KPNA3: variants seen among roughly 807,000 people sequenced by gnomAD.
KPNA3 encodes the protein karyopherin subunit alpha 3.
A neutral mutation model predicts 73.8 loss-of-function variants in KPNA3; 13 were observed. The observed-to-expected ratio is 0.18, with a 90% CI of 0.11 to 0.28. The LOEUF (loss-of-function observed/expected upper bound fraction) is 0.28. KPNA3 is among the 10% of genes least tolerant of loss of function. The pLI, the probability that KPNA3 is intolerant of heterozygous loss-of-function variation, is 1.00. For missense variants in KPNA3, 360 were observed against 618.1 expected (o/e 0.58, Z 4.43); for synonymous variants, 186 against 206.9 (o/e 0.90, Z 0.87).
intron 12 of KPNA3, 91 bp from the exon 13 acceptor site, chr13:49,706,463 C>A: frequency 3.5e-6 from 3 of 847,104 alleles, no homozygotes; most frequent in South Asian, 3.6e-5. Context: ...ATAACAAAAT[C>A]ACCTGAATTA....
intron 1 of KPNA3, among the ~76,000 whole-genome samples, chr13:49,780,446 C>T (rs1379065098): frequency 6.6e-6 from 1 of 152,130 alleles, no homozygotes; most frequent in South Asian, 2.1e-4. Flanking sequence ...TCAGTGCCAA[C>T]ACTATAGTCA....
intron 10 of KPNA3, among the ~76,000 whole-genome samples, chr13:49,715,388 C>T (rs1594432652): frequency 6.6e-6 from 1 of 152,170 alleles, no homozygotes; most frequent in East Asian, 1.9e-4. Context: ...ATTAAAATGG[C>T]CCTTAAACAA....
chr13:49,732,978 A>T lies in KPNA3; in HGVS notation c.183T>A (p.Asp61Glu). 1 of 1,608,032 alleles carries T rather than the reference A, an allele frequency of 6.2e-7. No homozygotes were observed. Residue 61 changes from aspartate (D) to glutamate (E), a missense_variant, in exon 3 of 17, where the codon GAT becomes GAA. Around this residue, in one of 3 missense-constraint regions of KPNA3, gnomAD observed 287 missense variants for 549.1 expected, o/e 0.52. Transcript: ENST00000261667. The part of the protein sequence containing the change: ...VPQEESLEDS[D>E]VDADFKAQNV... Reference sequence around the variant, plus strand: ...TTACTGCTTTAAAATCAGCATCAACATCTGAATCTTCTAGACTTTCTTCTT... The same window carrying T: ...TTACTGCTTTAAAATCAGCATCAACTTCTGAATCTTCTAGACTTTCTTCTT...
rs1336632791 is a variant in KPNA3 at position 49,765,606 on chromosome 13, G to C, written c.70-18613C>G. Among the ~76,000 whole-genome samples, 5 of 152,176 alleles carry C rather than the reference G, an allele frequency of 3.3e-5. No homozygotes were observed. In the East Asian group the frequency reaches 5.8e-4, roughly 18 times the overall value. ...CCCATCTATGCCTCCCAAAGTGCTG[G>C]GTTACAGGCATGAGCCACCGCGCCT... On this transcript the variant is annotated intron_variant, in intron 1 of 16. Coordinates refer to ENST00000261667, the MANE Select transcript of KPNA3 (RefSeq NM_002267.4).
intron 1 of KPNA3, among the ~76,000 whole-genome samples, chr13:49,768,380 T>A (rs534556198): frequency 7.3e-4 from 111 of 152,098 alleles, no homozygotes; most frequent in Non-Finnish European, 1.4e-3. Flanking sequence ...AGTATGCAGT[T>A]GGGTCTTGCT....
At chr13:49,730,764 C>A in intron 6 of KPNA3, among the ~76,000 whole-genome samples, 1 of 84,328 alleles carries the variant, frequency 1.2e-5, no homozygotes, top group African/African-American at 5.2e-5. Flanking sequence ...TGCTATCCCT[C>A]CCCCCTCCCC....
At chr13:49,772,730 G>C (rs1040883346) in intron 1 of KPNA3, among the ~76,000 whole-genome samples, 1 of 152,184 alleles carries the variant, frequency 6.6e-6, no homozygotes, top group African/African-American at 2.4e-5. Context: ...TTGAACCCAA[G>C]AGGCAGAGGC....
intron 15 of KPNA3, among the ~76,000 whole-genome samples, chr13:49,704,435 AAAT>A (rs1348504619): frequency 0.016 from 17 of 1,048 alleles, 1 homozygote; most frequent in East Asian, 0.042. Flanking sequence ...AATAAATAAA[AAAT>A]AAATAAATAA....
intron 11 of KPNA3, among the ~76,000 whole-genome samples, chr13:49,710,080 T>C (rs989611164): frequency 2.0e-5 from 3 of 152,114 alleles, no homozygotes. Context: ...CTGGGCAACA[T>C]AGTGAAACTC....
Position 49,753,626 on chromosome 13 carries a change from C to T in KPNA3, c.70-6633G>A, listed in dbSNP as rs147167309. Among the ~76,000 whole-genome samples the T allele has an allele frequency of 2.2e-3, 333 of 152,334 alleles. 2 individuals are homozygous for T. Among genetic ancestry groups the T allele is most frequent in the African/African-American group, 7.2e-3 (299 of 41,582 alleles). ...CGTGAACTGGTGCCAGTCCATATAG[C>T]CTGTTAGGAGCCAGGCTGCACAGCA... On this transcript the variant is annotated intron_variant, in intron 1 of 16. Transcript: ENST00000261667.
At chr13:49,739,765 T>A (rs896964697) in intron 2 of KPNA3, among the ~76,000 whole-genome samples, 10 of 152,030 alleles carry the variant, frequency 6.6e-5, no homozygotes, top group African/African-American at 2.4e-4. Context: ...CAAAAAAAGG[T>A]GGGGAGGTGA....
At chr13:49,720,475 G>A (rs34423763) in intron 9 of KPNA3, among the ~76,000 whole-genome samples, 32,722 of 152,154 alleles carry the variant, frequency 0.22, 4,475 homozygotes, top group Non-Finnish European at 0.32. Context: ...ATACACAGTT[G>A]GCCAAGTGTG....
intron 8 of KPNA3, 84 bp from the exon 9 acceptor site, chr13:49,722,208 C>T: frequency 1.1e-6 from 1 of 920,360 alleles, no homozygotes; most frequent in Non-Finnish European, 1.6e-6. Flanking sequence ...CATGTGGGAA[C>T]ACTGACGTTC....
In KPNA3 at chr13:49,773,547, T is replaced by C. The variant is rs140032129; in HGVS notation, c.69+18891A>G. ...GCGGCTGATAAATATTCCCTGTAATTAAAAAAAATTGTAAGCAGTCAAAAA... is the reference window on the plus strand; with the variant it reads ...GCGGCTGATAAATATTCCCTGTAATCAAAAAAAATTGTAAGCAGTCAAAAA... On this transcript the variant is annotated intron_variant, in intron 1 of 16. Coordinates refer to ENST00000261667, the MANE Select transcript of KPNA3 (RefSeq NM_002267.4). Among the ~76,000 whole-genome samples, 8 of 152,056 alleles carry C rather than the reference T, an allele frequency of 5.3e-5. No homozygotes were observed. In the East Asian group the frequency reaches 1.4e-3, roughly 26 times the overall value.
At chr13:49,785,039 C>T (rs1004607083) in intron 1 of KPNA3, among the ~76,000 whole-genome samples, 5 of 151,976 alleles carry the variant, frequency 3.3e-5, no homozygotes, top group African/African-American at 1.2e-4. Context: ...ATATTCCAGT[C>T]AGCAAGATGG....
intron 10 of KPNA3, among the ~76,000 whole-genome samples, chr13:49,712,432 A>AG (rs1157271610): frequency 3.9e-5 from 6 of 152,138 alleles, no homozygotes; most frequent in Admixed American, 6.5e-5. Flanking sequence ...ACATGATAGA[A>AG]GGGGGAAAAA....
intron 2 of KPNA3, among the ~76,000 whole-genome samples, chr13:49,734,892 T>G (rs939575817): frequency 4.0e-5 from 6 of 148,686 alleles, no homozygotes; most frequent in South Asian, 2.1e-4. Context: ...TTTTGCAAAT[T>G]TTGACTTTAT....
rs1594441317 is a variant in KPNA3, at chr13:49,732,796, T to A, written c.205-20A>T. ...ATTTTGCTTAAAAAGAAAAAAAAAATAGTTCAGCAGAGTTTATTAACAAAA... is the reference window on the plus strand; with the variant it reads ...ATTTTGCTTAAAAAGAAAAAAAAAAAAGTTCAGCAGAGTTTATTAACAAAA... On this transcript the variant is annotated intron_variant, in intron 3 of 16. Transcript: ENST00000261667. The A allele has an allele frequency of 2.6e-6, 4 of 1,521,866 alleles. No homozygotes were observed. In the Admixed American group the frequency reaches 5.5e-5, roughly 21 times the overall value. 94.3% of individuals were successfully genotyped at this position (1,521,866 alleles called of 1,614,324 possible).
At chr13:49,739,505 G>C (rs952346348) in intron 2 of KPNA3, among the ~76,000 whole-genome samples, 1 of 152,104 alleles carries the variant, frequency 6.6e-6, no homozygotes, top group Non-Finnish European at 1.5e-5. Context: ...ATGCATAAAA[G>C]CCTCTCTAAA....
Sources: allele counts gnomAD v4.1 joint callset (sites outside exome capture counted in the v4.1 genomes callset), GRCh38; gene constraint gnomAD v4.1.1; regional missense constraint gnomAD v4.1.1; transcripts MANE v1.5; gene names NCBI Gene and HGNC (gene_info 2026-07-23, HGNC 2026-07-21).